Variants in OGN observed in about 807,000 individuals in gnomAD.
The protein encoded by OGN is mimecan.
Under a neutral mutation model 30.8 loss-of-function variants are expected in OGN, and 19 were observed. That is an observed-to-expected ratio of 0.62 (90% CI 0.43 to 0.90). OGN has a LOEUF of 0.90. OGN is among the 40% of genes least tolerant of loss of function. OGN has a pLI of 0.00. For missense variants in OGN, 283 were observed against 349.7 expected (o/e 0.81, Z 1.52); for synonymous variants, 126 against 128.3 (o/e 0.98, Z 0.12).
At chr9:92,392,311 A>T (rs562874521) in intron 4 of OGN, among the ~76,000 whole-genome samples, 1 of 152,234 alleles carries the variant, frequency 6.6e-6, no homozygotes, top group African/African-American at 2.4e-5. Flanking sequence ...GGGAAGTAGG[A>T]CCTAGTATCA....
At chr9:92,387,135 G>A (rs1842463763) in intron 5 of OGN, among the ~76,000 whole-genome samples, 1 of 151,690 alleles carries the variant, frequency 6.6e-6, no homozygotes, top group Non-Finnish European at 1.5e-5. Flanking sequence ...TACTTTGAGA[G>A]GTCAATGTGG....
chr9:92,402,060 G>A (rs1338997016), intron 2 of OGN, among the ~76,000 whole-genome samples: 1 of 152,014 alleles, frequency 6.6e-6, no homozygotes, highest in Non-Finnish European at 1.5e-5. Flanking sequence ...TTAAGATAGA[G>A]AAACTTCTAA....
At chr9:92,387,296 A>G (rs1465392130) in intron 5 of OGN, among the ~76,000 whole-genome samples, 1 of 151,672 alleles carries the variant, frequency 6.6e-6, no homozygotes, top group African/African-American at 2.4e-5. Flanking sequence ...GAATTGCTTG[A>G]ACCCAGGGGG....
upstream of OGN, chr9:92,404,650 C>T (rs1424440885): frequency 7.9e-7 from 1 of 1,266,028 alleles, no homozygotes; most frequent in Non-Finnish European, 1.0e-6. Flanking sequence ...GAACAGTTTC[C>T]ATGTGGTAGA....
At chr9:92,393,376 A>G (rs1842767703) in intron 3 of OGN, 132 bp from the exon 4 acceptor site, 2 of 664,456 alleles carry the variant, frequency 3.0e-6, no homozygotes, top group African/African-American at 1.8e-5. Context: ...TAAGAAAGAT[A>G]GTCATGGTAA....
chr9:92,386,327 G>T, intron 5 of OGN, 31 bp from the exon 6 acceptor site: 1 of 1,385,696 alleles, frequency 7.2e-7, no homozygotes, highest in South Asian at 1.2e-5. Flanking sequence ...GAGTGTTATT[G>T]AGGTTCTGTA....
chr9:92,386,362 T>G (rs1304117498), intron 5 of OGN, 66 bp from the exon 6 acceptor site: 4 of 969,686 alleles, frequency 4.1e-6, no homozygotes, highest in Non-Finnish European at 6.7e-6. Context: ...ATTCAAGCAA[T>G]ATATATGTGC....
At chr9:92,397,179 AAAAC>A (rs1046371616) in intron 3 of OGN, among the ~76,000 whole-genome samples, 4 of 152,096 alleles carry the variant, frequency 2.6e-5, no homozygotes, top group African/African-American at 7.2e-5. Context: ...CCTGTCTAAA[AAAAC>A]AAACAAACAA....
chr9:92,399,965 G>T (rs1843041091), intron 3 of OGN, among the ~76,000 whole-genome samples: 2 of 151,898 alleles, frequency 1.3e-5, no homozygotes. Flanking sequence ...ACTGTTTACT[G>T]TTTCCCTTGT....
chr9:92,390,593 C>CGCGT (rs1419365860), intron 4 of OGN, among the ~76,000 whole-genome samples: 1 of 144,372 alleles, frequency 6.9e-6, no homozygotes, highest in Non-Finnish European at 1.6e-5. Context: ...TGTGTGCGCG[C>CGCGT]GCGCGTACTT....
At chr9:92,394,902 C>T (rs537720721) in intron 3 of OGN, among the ~76,000 whole-genome samples, 106 of 152,166 alleles carry the variant, frequency 7.0e-4, no homozygotes, top group South Asian at 3.1e-3. Context: ...CCACCACGCC[C>T]GGCCTATTTT....
At chr9:92,403,118 T>C in intron 2 of OGN, 116 bp downstream of exon 2, 3 of 627,380 alleles carry the variant, frequency 4.8e-6, no homozygotes, top group Non-Finnish European at 5.4e-6. Flanking sequence ...TTCGTTTGAA[T>C]CATTTAAAGT....
chr9:92,392,616 G>T (rs1446236229), intron 4 of OGN, among the ~76,000 whole-genome samples: 1 of 151,714 alleles, frequency 6.6e-6, no homozygotes, highest in Non-Finnish European at 1.5e-5. Flanking sequence ...CTCCATGTCG[G>T]GTTGGGGGGA....
rs771916853 is a variant in OGN at position 92,385,742 on chromosome 9, C to T, written c.775G>A (p.Asp259Asn). ...ATGCGGTCCCGGATGTAACTGGTGT[C>T]ATTAGCCTTGCAGAATGTGTCATCT... ...ITDDTFCKAN[D>N]TSYIRDRIEE... Residue 259 changes from aspartate to asparagine, a missense_variant, in exon 7 of 7, where the codon GAC becomes AAC. By Grantham distance (23) the Asp-to-Asn change is conservative. Coordinates refer to ENST00000375561, the MANE Select transcript of OGN (RefSeq NM_014057.5). 1 of 1,614,134 alleles carries T rather than the reference C, an allele frequency of 6.2e-7. No homozygotes were observed. The highest frequency in any genetic ancestry group is 2.2e-5 in the East Asian group (1 of 44,878).
At position 92,384,578 on chromosome 9, in the gene OGN, A is replaced by T. The variant is rs753489323; in HGVS notation, c.*1042T>A. ...ATAAATTATTACTCTCAGATAGAAG[A>T]TTTAATTCTTGCAGTTAGCCATGTC... On this transcript the variant is annotated 3_prime_UTR_variant, in exon 7 of 7. Coordinates refer to ENST00000375561, the MANE Select transcript of OGN (RefSeq NM_014057.5). 3 of 152,176 alleles carry T rather than the reference A, an allele frequency of 2.0e-5. No homozygotes were observed. The highest frequency in any genetic ancestry group is 4.4e-5 in the Non-Finnish European group (3 of 68,016). The allele number at this position is 152,176 out of a possible 1,614,324, so 9.4% of individuals were successfully genotyped here. A position where few individuals can be genotyped will look rare whatever the true frequency, so the allele number is the denominator to read the frequency against.
chr9:92,385,919 A>G, intron 6 of OGN, 129 bp from the exon 7 acceptor site: 2 of 811,544 alleles, frequency 2.5e-6, no homozygotes, highest in Non-Finnish European at 2.0e-6. Context: ...TGTCAAATTA[A>G]TTAGGAAATA....
chr9:92,403,022 T>G (rs1843181994), intron 2 of OGN, among the ~76,000 whole-genome samples: 1 of 152,206 alleles, frequency 6.6e-6, no homozygotes, highest in Admixed American at 6.5e-5. Context: ...TTACTATAGA[T>G]ACTGTTTGGT....
chr9:92,392,230 A>G (rs1365467555), intron 4 of OGN, among the ~76,000 whole-genome samples: 2 of 152,146 alleles, frequency 1.3e-5, no homozygotes, highest in Non-Finnish European at 2.9e-5. Flanking sequence ...CCATATTAGA[A>G]TCATCCAAGG....
intron 5 of OGN, among the ~76,000 whole-genome samples, chr9:92,388,432 G>C (rs564909283): frequency 6.6e-6 from 1 of 152,058 alleles, no homozygotes; most frequent in East Asian, 1.9e-4. Flanking sequence ...AAAGTGCTGG[G>C]ATTATAGGCG....
Sources: allele counts gnomAD v4.1 joint callset (sites outside exome capture counted in the v4.1 genomes callset), GRCh38; gene constraint gnomAD v4.1.1; transcripts MANE v1.5; gene names NCBI Gene and HGNC (gene_info 2026-07-23, HGNC 2026-07-21).